Variants in CCNJL observed in about 807,000 individuals in gnomAD.
CCNJL encodes cyclin J like.
CCNJL carries 33 observed loss-of-function variants against 33.4 expected under a neutral mutation model. The ratio of observed to expected loss-of-function variants is 0.99; its 90% CI spans 0.75 to 1.32. The LOEUF is 1.32. CCNJL is among the 40% of genes most tolerant of loss of function. The pLI is 0.00. For missense variants in CCNJL, 512 were observed against 499.7 expected, an observed-to-expected ratio of 1.02 and a Z score of -0.23; for synonymous variants, 227 against 220.9, an observed-to-expected ratio of 1.03 and a Z score of -0.24.
At chr5:160,282,980 T>TATATATATATATATATATAC (rs1762273443) in intron 2 of CCNJL, among the ~76,000 whole-genome samples, 3 of 71,198 alleles carry the variant, frequency 4.2e-5, no homozygotes, top group African/African-American at 1.9e-4. Flanking sequence ...TATATATATA[T>TATATATATATATATATATAC]ATATATATAT....
chr5:160,263,371 T>C (rs1761432452), intron 3 of CCNJL, among the ~76,000 whole-genome samples: 1 of 152,228 alleles, frequency 6.6e-6, no homozygotes, highest in Admixed American at 6.5e-5. Context: ...AAATGCCTTT[T>C]ATAACCTTTG....
At chr5:160,289,291 T>C (rs1762509630) in intron 2 of CCNJL, among the ~76,000 whole-genome samples, 1 of 152,210 alleles carries the variant, frequency 6.6e-6, no homozygotes, top group African/African-American at 2.4e-5. Context: ...CCCTTGGCCA[T>C]ACCCTTGGTC....
intron 1 of CCNJL, among the ~76,000 whole-genome samples, chr5:160,332,217 C>A (rs1763615713): frequency 6.6e-6 from 1 of 152,176 alleles, no homozygotes; most frequent in Non-Finnish European, 1.5e-5. Flanking sequence ...CTTACTGCAC[C>A]TGTACCCACA....
At chr5:160,288,489 C>T (rs759929647) in intron 2 of CCNJL, among the ~76,000 whole-genome samples, 5 of 152,150 alleles carry the variant, frequency 3.3e-5, no homozygotes, top group African/African-American at 9.7e-5. Context: ...CAATGCAAAG[C>T]CCCTTCCAGA....
In CCNJL at chr5:160,295,122, T is replaced by A. The variant is rs527973474; in HGVS notation, c.67-14384A>T. The stretch of plus-strand genomic sequence containing the variant: ...CCTGGGGACCTATTTAAAAAGGGGG[T>A]TCCCCCCCGTACTGGGATGAATAGT... On this transcript the variant is annotated intron_variant, in intron 2 of 5. Coordinates refer to ENST00000257536, the MANE Select transcript of CCNJL (RefSeq NM_001308173.3). Among the ~76,000 whole-genome samples the A allele has an allele frequency of 7.0e-4, 106 of 152,264 alleles. 1 individual carries two copies. The highest frequency in any genetic ancestry group is 2.1e-3 in the African/African-American group (89 of 41,548).
At chr5:160,287,970 A>G (rs1762463771) in intron 2 of CCNJL, among the ~76,000 whole-genome samples, 2 of 152,174 alleles carry the variant, frequency 1.3e-5, no homozygotes, top group African/African-American at 4.8e-5. Context: ...TTGGCCCTTG[A>G]TCACCTGACT....
intron 2 of CCNJL, chr5:160,294,784 G>A (rs190050241): frequency 6.6e-6 from 1 of 152,338 alleles, no homozygotes; most frequent in East Asian, 1.9e-4. Flanking sequence ...TGTTATCCAG[G>A]GGAAGAGGTC....
chr5:160,286,368 G>A (rs1269206355), intron 2 of CCNJL, among the ~76,000 whole-genome samples: 9 of 152,238 alleles, frequency 5.9e-5, no homozygotes, highest in African/African-American at 2.2e-4. Context: ...TGGACCAGGT[G>A]CAGTGGCTCA....
At position 160,260,444 on chromosome 5, in the gene CCNJL, G is replaced by A. The variant is rs116481682; in HGVS notation, c.281-673C>T. 7.0e-3 allele frequency among the ~76,000 whole-genome samples: 1,058 copies of A among 152,206 alleles called. 6 individuals carry two copies. The highest frequency in any genetic ancestry group is 9.8e-3 in the Non-Finnish European group (664 of 67,998). Reference sequence around the variant, plus strand: ...AGCGAGTCACCACTGTGGACAACCCGAGCTTAATCCTACTGAGGAATTCTG... The same window carrying A: ...AGCGAGTCACCACTGTGGACAACCCAAGCTTAATCCTACTGAGGAATTCTG... On this transcript the variant is annotated intron_variant, in intron 3 of 5. Transcript: ENST00000257536.
intron 3 of CCNJL, among the ~76,000 whole-genome samples, chr5:160,278,186 G>C (rs995282208): frequency 1.3e-5 from 2 of 152,184 alleles, no homozygotes; most frequent in African/African-American, 4.8e-5. Flanking sequence ...TTTTAGGAGA[G>C]ACAAGGTTTC....
chr5:160,254,098 T>C (rs1044783958), intron 5 of CCNJL: 4 of 461,028 alleles, frequency 8.7e-6, no homozygotes, highest in Non-Finnish European at 1.5e-5. Flanking sequence ...CCCCAGAGAG[T>C]AACCTGCTCC....
intron 3 of CCNJL, among the ~76,000 whole-genome samples, chr5:160,276,718 C>T (rs1361982497): frequency 6.6e-6 from 1 of 152,144 alleles, no homozygotes; most frequent in Admixed American, 6.6e-5. Context: ...TGCTAAACAC[C>T]ACTCAACCGT....
chr5:160,320,575 A>T (rs1382899601), intron 1 of CCNJL, among the ~76,000 whole-genome samples: 2 of 152,204 alleles, frequency 1.3e-5, no homozygotes, highest in Non-Finnish European at 2.9e-5. Flanking sequence ...AGCAGTGTGG[A>T]GCGATGAGGA....
rs1439790283 is a variant in CCNJL, at chr5:160,250,400, C to G, written c.*2978G>C. 2.6e-5 allele frequency: 4 copies of G among 152,266 alleles called. No homozygotes were observed. Among genetic ancestry groups the G allele is most frequent in the African/African-American group, 9.6e-5 (4 of 41,460 alleles). The allele number at this position is 152,266 out of a possible 1,614,324, so 9.4% of individuals were successfully genotyped here. A position where few individuals can be genotyped will look rare whatever the true frequency, so the allele number is the denominator to read the frequency against. On this transcript the variant is annotated 3_prime_UTR_variant, in exon 6 of 6. Transcript: ENST00000257536. ...TGGTGAGCACTGCCCTCAGCCCCGC[C>G]CTTGGCGGTGTCAAACACACTCCTG...
intron 3 of CCNJL, among the ~76,000 whole-genome samples, chr5:160,263,860 TA>T (rs1312569860): frequency 6.6e-6 from 1 of 152,194 alleles, no homozygotes; most frequent in East Asian, 1.9e-4. Context: ...AAGGAAGTTT[TA>T]AAAATCATAT....
chr5:160,280,986 T>C (rs59603436), intron 2 of CCNJL: 110,383 of 592,584 alleles, frequency 0.19, 11,319 homozygotes, highest in East Asian at 0.34. Context: ...TTCCTTCCCA[T>C]GGGAAAGGTT....
At chr5:160,327,326 T>C (rs900907892) in intron 1 of CCNJL, among the ~76,000 whole-genome samples, 1 of 152,224 alleles carries the variant, frequency 6.6e-6, no homozygotes, top group African/African-American at 2.4e-5. Flanking sequence ...GCTAGGCTCT[T>C]GGGAGCATCA....
chr5:160,321,010 CTCTCTT>C (rs1220202087), intron 1 of CCNJL, among the ~76,000 whole-genome samples: 708 of 87,538 alleles, frequency 8.1e-3, no homozygotes, highest in Middle Eastern at 0.011. Flanking sequence ...CTCTCTCTCT[CTCTCTT>C]TCTTTCTTTC....
At chr5:160,258,550 C>T (rs187263994) in intron 4 of CCNJL, 296 of 1,519,942 alleles carry the variant, frequency 1.9e-4, no homozygotes, top group African/African-American at 1.1e-3. Flanking sequence ...AGAGGTTATT[C>T]GGGAAAGAAA....
Sources: gnomAD v4.1 joint callset for allele counts (sites outside exome capture counted in the v4.1 genomes callset) on GRCh38, gnomAD v4.1.1 for gene constraint, MANE v1.5 for transcripts, NCBI Gene and HGNC (gene_info 2026-07-23, HGNC 2026-07-21) for gene names.